Variants in UCN3 observed in about 807,000 individuals in gnomAD.
UCN3 encodes the protein urocortin 3.
In UCN3, 3 loss-of-function variants were observed where a neutral mutation model predicts 3.6. That is an observed-to-expected ratio of 0.83 (90% CI 0.38 to 2.15). The LOEUF (loss-of-function observed/expected upper bound fraction) is 2.15, where lower values mean the gene tolerates loss of function less well. UCN3 is among the 30% of genes most tolerant of loss of function. The pLI, the probability that UCN3 is intolerant of heterozygous loss-of-function variation, is 0.06. For missense variants in UCN3, 206 were observed against 208.3 expected (o/e 0.99, Z 0.07); for synonymous variants, 100 against 93.2 (o/e 1.07, Z -0.42).
At chr10:5,370,872 T>TGCGTGTATGTGC (rs1385406789) in intron 1 of UCN3, among the ~76,000 whole-genome samples, 5 of 81,680 alleles carry the variant, frequency 6.1e-5, no homozygotes, top group African/African-American at 2.5e-4. Flanking sequence ...CGTGTGTATG[T>TGCGTGTATGTGC]GTGTGTATAT....
intron 1 of UCN3, among the ~76,000 whole-genome samples, chr10:5,370,655 A>G (rs62651870): frequency 0.35 from 19,807 of 56,538 alleles, 4,486 homozygotes; most frequent in Non-Finnish European, 0.39. Context: ...ATGTGTGTGT[A>G]TGTGTGTGTA....
intron 1 of UCN3, among the ~76,000 whole-genome samples, chr10:5,370,194 TGTGTATATGC>T (rs1831345437): frequency 2.2e-5 from 2 of 92,272 alleles, no homozygotes; most frequent in South Asian, 4.5e-4. Flanking sequence ...TGTATATGCG[TGTGTATATGC>T]GTGTGTATGT....
At chr10:5,370,775 A>G (rs1554811361) in intron 1 of UCN3, among the ~76,000 whole-genome samples, 1 of 112,616 alleles carries the variant, frequency 8.9e-6, no homozygotes, top group Non-Finnish European at 1.7e-5. Flanking sequence ...GCGTGTGTAT[A>G]TGCGTGTGTG....
rs373980035 is a variant in UCN3, at chr10:5,370,271, A to G, written c.-6-3444A>G. Among the ~76,000 whole-genome samples the G allele has an allele frequency of 4.7e-4, 29 of 62,172 alleles. 1 individual carries two copies. The highest frequency in any genetic ancestry group is 8.4e-4 in the Admixed American group (4 of 4,786). The allele number at this position is 62,172 out of a possible 152,430, so 40.8% of individuals were successfully genotyped here. A position where few individuals can be genotyped will look rare whatever the true frequency, so the allele number is the denominator to read the frequency against. On this transcript the variant is annotated intron_variant, in intron 1 of 1. Coordinates refer to ENST00000380433, the MANE Select transcript of UCN3 (RefSeq NM_053049.4). Reference sequence around the variant, plus strand: ...TATGCGTGTGTATATGCGTGTGTATATGCGTGTGTATATGCGTGTGTGTAT... The same window carrying G: ...TATGCGTGTGTATATGCGTGTGTATGTGCGTGTGTATATGCGTGTGTGTAT...
Position 5,370,540 on chromosome 10 carries a change from C to CGT in UCN3, c.-6-3172_-6-3171dup, listed in dbSNP as rs1311682294. ...GTGTGTGTATGTGTGTGTGTATATG[C>CGT]GTGTATATGTGTGTATATGTGTGTG... On this transcript the variant is annotated intron_variant, in intron 1 of 1. Transcript: ENST00000380433. Among the ~76,000 whole-genome samples the CGT allele has an allele frequency of 1.2e-3, 26 of 21,158 alleles. 2 individuals are homozygous for CGT. Among genetic ancestry groups the CGT allele is most frequent in the South Asian group, 3.7e-3 (1 of 268 alleles). The allele number at this position is 21,158 out of a possible 152,430, so 13.9% of individuals were successfully genotyped here. A position where few individuals can be genotyped will look rare whatever the true frequency, so the allele number is the denominator to read the frequency against.
At chr10:5,372,170 G>A (rs928345053) in intron 1 of UCN3, among the ~76,000 whole-genome samples, 1 of 152,240 alleles carries the variant, frequency 6.6e-6, no homozygotes, top group African/African-American at 2.4e-5. Flanking sequence ...CTTATTACAG[G>A]GCTGGGGAGA....
chr10:5,373,364 C>T lies in UCN3; in HGVS notation c.-6-351C>T, dbSNP rs111727562. Among the ~76,000 whole-genome samples, 480 of 152,216 alleles carry T rather than the reference C, an allele frequency of 3.2e-3. 2 individuals carry two copies. The highest frequency in any genetic ancestry group is 0.011 in the African/African-American group (456 of 41,538). On this transcript the variant is annotated intron_variant, in intron 1 of 1. Transcript: ENST00000380433. ...GTGCTTACTTAGTATATTAGTTATT[C>T]GCTTTACAGGGGCAGAGGCTGCCTG...
chr10:5,373,676 C>A, intron 1 of UCN3, 39 bp from the exon 2 acceptor site: 1 of 1,590,756 alleles, frequency 6.3e-7, no homozygotes, highest in South Asian at 1.1e-5. Context: ...CACCACGCCC[C>A]TCCCATGCCC....
chr10:5,370,309 GCGTGTA>G (rs1554811188), intron 1 of UCN3, among the ~76,000 whole-genome samples: 1 of 56,144 alleles, frequency 1.8e-5, no homozygotes, highest in Non-Finnish European at 3.4e-5. Flanking sequence ...GTGTGTATAT[GCGTGTA>G]TGTGTGTGTA....
At chr10:5,368,969 G>A (rs1253096520) in intron 1 of UCN3, among the ~76,000 whole-genome samples, 5 of 152,116 alleles carry the variant, frequency 3.3e-5, no homozygotes, top group Non-Finnish European at 5.9e-5. Flanking sequence ...GCATCACGTG[G>A]GACTGTGCTA....
At position 5,370,789 on chromosome 10, in the gene UCN3, GTA is replaced by G. The variant is rs1491055924; in HGVS notation, c.-6-2924_-6-2923del. On this transcript the variant is annotated intron_variant, in intron 1 of 1. Transcript: ENST00000380433. ...TGCGTGTGTATATGCGTGTGTGTGTGTATGCGTGTGTATATGTGTGTGTGCGT... is the reference window on the plus strand; with the variant it reads ...TGCGTGTGTATATGCGTGTGTGTGTGTGCGTGTGTATATGTGTGTGTGCGT... Among the ~76,000 whole-genome samples the G allele has an allele frequency of 1.8e-3, 249 of 136,550 alleles. 21 individuals are homozygous for G. The highest frequency in any genetic ancestry group is 6.7e-3 in the African/African-American group (227 of 34,016). The allele number at this position is 136,550 out of a possible 152,430, so 89.6% of individuals were successfully genotyped here.
Position 5,373,884 on chromosome 10 carries a change from G to A in UCN3, c.164G>A (p.Ser55Asn), listed in dbSNP as rs1401992256. 6.2e-7 allele frequency: 1 copy of A among 1,613,930 alleles called. No individual in the cohort carries two copies. The highest frequency in any genetic ancestry group is 1.3e-5 in the African/African-American group (1 of 74,914). ...CAGTGGGAGGATGCATCCCTGCTGAGCAAGAGGAGCTTCCACTACCTGCGC... is the reference window on the plus strand; with the variant it reads ...CAGTGGGAGGATGCATCCCTGCTGAACAAGAGGAGCTTCCACTACCTGCGC... ...KGQWEDASLL[S>N]KRSFHYLRSR... Residue 55 changes from serine (S) to asparagine (N), a missense_variant, in exon 2 of 2, where the codon AGC (serine) becomes AAC (asparagine). Ser to Asn is a conservative substitution (Grantham distance 46). Coordinates refer to ENST00000380433, the MANE Select transcript of UCN3 (RefSeq NM_053049.4).
chr10:5,370,077 G>T (rs1831335243), intron 1 of UCN3, among the ~76,000 whole-genome samples: 1 of 101,370 alleles, frequency 9.9e-6, no homozygotes, highest in Non-Finnish European at 2.0e-5. Context: ...GTGTGTATAT[G>T]CGTGTGTATA....
In UCN3 at chr10:5,366,140, G is replaced by T. The variant is rs10904480; in HGVS notation, c.-7+910G>T. 0.3 allele frequency among the ~76,000 whole-genome samples: 45,690 copies of T among 152,108 alleles called. 7,095 individuals are homozygous for T. Among genetic ancestry groups the T allele is most frequent in the South Asian group, 0.46 (2,212 of 4,814 alleles). On this transcript the variant is annotated intron_variant, in intron 1 of 1. Transcript: ENST00000380433. This position sits in a 1 kb window ranked among gnomAD's most constrained non-coding sequence, Gnocchi z 4.2. ...GTGTGATCAGTACTGTTTGCCTCCT[G>T]CCTTTGCTGCTTCATGTCCTGTCCT...
At chr10:5,371,160 T>C (rs1451117427) in intron 1 of UCN3, among the ~76,000 whole-genome samples, 1 of 151,478 alleles carries the variant, frequency 6.6e-6, no homozygotes, top group Admixed American at 6.6e-5. Context: ...TGTATATGTG[T>C]GTGCATGTGT....
intron 1 of UCN3, among the ~76,000 whole-genome samples, chr10:5,370,137 GTGTATGCGTGTGTA>G (rs1831340769): frequency 1.2e-5 from 1 of 86,732 alleles, no homozygotes; most frequent in Non-Finnish European, 2.2e-5. Context: ...GTGTATGTGT[GTGTATGCGTGTGTA>G]TATGTGTGTG....
intron 1 of UCN3, among the ~76,000 whole-genome samples, chr10:5,370,920 C>CGT (rs200495765): frequency 7.3e-5 from 8 of 109,846 alleles, no homozygotes; most frequent in Non-Finnish European, 1.9e-5. Flanking sequence ...TGTGTATATG[C>CGT]GTGTGTATAT....
chr10:5,370,192 CGT>C (rs1564442498), intron 1 of UCN3, among the ~76,000 whole-genome samples: 12 of 7,136 alleles, frequency 1.7e-3, no homozygotes, highest in South Asian at 6.7e-3. Context: ...TGTGTATATG[CGT>C]GTGTATATGC....
chr10:5,370,066 TGTGTGTATATGCGTGTGTATATGC>T (rs1301124389), intron 1 of UCN3, among the ~76,000 whole-genome samples: 2 of 42,246 alleles, frequency 4.7e-5, no homozygotes, highest in African/African-American at 1.9e-4. Flanking sequence ...TGTGTGTATA[TGTGTGTATATGCGTGTGTATATGC>T]GTGTGTATAT....
Sources: allele counts gnomAD v4.1 joint callset (sites outside exome capture counted in the v4.1 genomes callset), GRCh38; gene constraint gnomAD v4.1.1; non-coding constraint Gnocchi (gnomAD v3.1); transcripts MANE v1.5; gene names NCBI Gene and HGNC (gene_info 2026-07-23, HGNC 2026-07-21).